The following TNR variants were observed in gnomAD, a reference collection of about 807,000 sequenced individuals.
TNR encodes tenascin-R.
TNR carries 45 observed loss-of-function variants against 150.4 expected under a neutral mutation model. The ratio of observed to expected loss-of-function variants is 0.30; its 90% CI spans 0.24 to 0.38. The LOEUF is 0.38. Ranked by LOEUF, TNR falls within the 10% of genes least tolerant of loss-of-function variation. The pLI, the probability that TNR is intolerant of heterozygous loss-of-function variation, is 1.00. For synonymous variants in TNR, 687 were observed against 678.4 expected, an observed-to-expected ratio of 1.01 and a Z score of -0.20; for missense variants, 1,544 against 1,759.1, an observed-to-expected ratio of 0.88 and a Z score of 2.19.
At chr1:175,557,968 T>C (rs1344533467) in intron 1 of TNR, among the ~76,000 whole-genome samples, 1 of 104,684 alleles carries the variant, frequency 9.6e-6, no homozygotes, top group Non-Finnish European at 2.0e-5. Flanking sequence ...TCGTGTCCTT[T>C]GTAGGGACAT....
chr1:175,495,636 G>T (rs1358551823), intron 2 of TNR, among the ~76,000 whole-genome samples: 1 of 152,156 alleles, frequency 6.6e-6, no homozygotes. Context: ...ATTGTTTGTT[G>T]TCTGCCTCTC....
At chr1:175,548,073 C>T (rs1050845435) in intron 1 of TNR, among the ~76,000 whole-genome samples, 7 of 152,158 alleles carry the variant, frequency 4.6e-5, no homozygotes, top group African/African-American at 1.2e-4. Context: ...CACATCCAGG[C>T]GAGACAACAG....
chr1:175,662,334 G>A (rs1665403257), intron 1 of TNR, among the ~76,000 whole-genome samples: 1 of 152,008 alleles, frequency 6.6e-6, no homozygotes, highest in African/African-American at 2.4e-5. Flanking sequence ...CCCACCGTGA[G>A]TCCTGCCTCT....
intron 1 of TNR, among the ~76,000 whole-genome samples, chr1:175,592,509 G>T (rs1316476894): frequency 6.6e-6 from 1 of 152,278 alleles, no homozygotes; most frequent in East Asian, 1.9e-4. Flanking sequence ...GGCTCGAGGA[G>T]CCGGAGGCTC....
intron 2 of TNR, among the ~76,000 whole-genome samples, chr1:175,504,521 G>A (rs1263905556): frequency 2.6e-5 from 4 of 152,060 alleles, no homozygotes; most frequent in Admixed American, 1.3e-4. Flanking sequence ...GCTGTGAGTC[G>A]GGTGCTCATT....
At chr1:175,695,319 T>C (rs774156142) in intron 1 of TNR, among the ~76,000 whole-genome samples, 4 of 152,234 alleles carry the variant, frequency 2.6e-5, no homozygotes, top group Admixed American at 6.5e-5. Flanking sequence ...TGTACACAGA[T>C]TCTGTGGTCC....
At chr1:175,480,856 T>C (rs933131839) in intron 2 of TNR, among the ~76,000 whole-genome samples, 1 of 152,238 alleles carries the variant, frequency 6.6e-6, no homozygotes, top group Non-Finnish European at 1.5e-5. Flanking sequence ...AGTCTCATTG[T>C]ACTACCTCAT....
At chr1:175,533,431 C>T (rs1660150245) in intron 1 of TNR, among the ~76,000 whole-genome samples, 1 of 152,192 alleles carries the variant, frequency 6.6e-6, no homozygotes, top group African/African-American at 2.4e-5. Flanking sequence ...AATGGCTAGT[C>T]CTCAAAGTCA....
intron 9 of TNR, 64 bp downstream of exon 9, chr1:175,379,488 G>A: frequency 2.0e-6 from 3 of 1,468,868 alleles, no homozygotes; most frequent in Non-Finnish European, 2.8e-6. Flanking sequence ...TGTAGGTTGG[G>A]GAGACAGCTG....
At chr1:175,393,755 T>C in intron 6 of TNR, 25 bp downstream of exon 6, 1 of 1,554,076 alleles carries the variant, frequency 6.4e-7, no homozygotes, top group Non-Finnish European at 8.9e-7. Flanking sequence ...TAAGTCTGTT[T>C]GGCAGTGTAA....
At chr1:175,444,414 G>T (rs1281589615) in intron 2 of TNR, among the ~76,000 whole-genome samples, 1 of 152,188 alleles carries the variant, frequency 6.6e-6, no homozygotes, top group Non-Finnish European at 1.5e-5. Context: ...AGGTGCACAT[G>T]AACAGGTGCA....
At chr1:175,712,812 C>A (rs947270869) in intron 1 of TNR, among the ~76,000 whole-genome samples, 5 of 152,080 alleles carry the variant, frequency 3.3e-5, no homozygotes, top group Admixed American at 2.6e-4. Flanking sequence ...ATGCCAGCAC[C>A]ATACTTCCTG....
chr1:175,730,385 C>T (rs1186310058), intron 1 of TNR, among the ~76,000 whole-genome samples: 2 of 152,180 alleles, frequency 1.3e-5, no homozygotes, highest in Non-Finnish European at 2.9e-5. Flanking sequence ...GGTTCCTAGA[C>T]ATTAGCACAA....
chr1:175,350,796 A>G (rs1651016193), intron 18 of TNR, among the ~76,000 whole-genome samples: 1 of 152,202 alleles, frequency 6.6e-6, no homozygotes, highest in South Asian at 2.1e-4. Flanking sequence ...GCCATCAGGT[A>G]GGCATCTTGC....
chr1:175,445,840 TC>T (rs1656022415), intron 2 of TNR, among the ~76,000 whole-genome samples: 1 of 152,224 alleles, frequency 6.6e-6, no homozygotes, highest in South Asian at 2.1e-4. Context: ...CATTAGATGT[TC>T]CCCTTTATTG....
intron 1 of TNR, among the ~76,000 whole-genome samples, chr1:175,671,911 C>CTG (rs35804880): frequency 0.038 from 5,427 of 142,100 alleles, 139 homozygotes; most frequent in African/African-American, 0.072. Flanking sequence ...TGAGCTGTAC[C>CTG]TGTGTGTGTG....
At chr1:175,435,479 T>A (rs1206287546) in intron 2 of TNR, among the ~76,000 whole-genome samples, 1 of 152,150 alleles carries the variant, frequency 6.6e-6, no homozygotes, top group African/African-American at 2.4e-5. Context: ...TGGGGACATA[T>A]GAAATTTGAG....
At chr1:175,496,551 G>A (rs922308806) in intron 2 of TNR, among the ~76,000 whole-genome samples, 5 of 152,182 alleles carry the variant, frequency 3.3e-5, no homozygotes, top group Admixed American at 2.6e-4. Context: ...TATTCAGCTC[G>A]AGGTAGCGCT....
chr1:175,730,277 C>A (rs760064252), intron 1 of TNR, among the ~76,000 whole-genome samples: 4 of 152,220 alleles, frequency 2.6e-5, no homozygotes, highest in Non-Finnish European at 5.9e-5. Flanking sequence ...GCACACTTAA[C>A]CTGCAACCCA....
Sources: allele counts gnomAD v4.1 joint callset (sites outside exome capture counted in the v4.1 genomes callset), GRCh38; gene constraint gnomAD v4.1.1; transcripts MANE v1.5; gene names NCBI Gene and HGNC (gene_info 2026-07-23, HGNC 2026-07-21).